Variants in SCHIP1 observed in about 807,000 individuals in gnomAD.
SCHIP1 encodes the protein schwannomin interacting protein 1.
A neutral mutation model predicts 29.7 loss-of-function variants in SCHIP1; 8 were observed. The ratio of observed to expected loss-of-function variants is 0.27; its 90% confidence interval spans 0.16 to 0.49. The LOEUF (loss-of-function observed/expected upper bound fraction) is 0.49, where lower values mean the gene tolerates loss of function less well. Ranked by LOEUF, SCHIP1 falls within the 20% of genes least tolerant of loss-of-function variation. The pLI is 0.99. For synonymous variants in SCHIP1, 76 were observed against 94.9 expected, an observed-to-expected ratio of 0.80 and a Z score of 1.16; for missense variants, 193 against 294.6, an observed-to-expected ratio of 0.66 and a Z score of 2.52.
At chr3:159,323,269 A>G in the SCHIP1 span, among the ~76,000 whole-genome samples, 1 of 152,236 alleles carries the variant, frequency 6.6e-6, no homozygotes, top group Non-Finnish European at 1.5e-5. Flanking sequence ...GATAATACCA[A>G]AGCCAAAAGA....
At chr3:159,755,934 G>A in the SCHIP1 span, among the ~76,000 whole-genome samples, 1 of 152,252 alleles carries the variant, frequency 6.6e-6, no homozygotes, top group African/African-American at 2.4e-5. Context: ...CAAGAGGTGG[G>A]TTCCCATGGT....
chr3:159,839,768 G>A (rs1744039509), upstream of SCHIP1: 2 of 580,426 alleles, frequency 3.4e-6, no homozygotes, highest in Admixed American at 4.5e-5. Flanking sequence ...TCCCTCGCTG[G>A]CCTTTTTCTC....
the SCHIP1 span, among the ~76,000 whole-genome samples, chr3:159,395,305 G>A: frequency 2.2e-4 from 33 of 151,868 alleles, no homozygotes; most frequent in African/African-American, 7.2e-4. Context: ...AGGGTTTTTT[G>A]TGTCTCTATT....
chr3:159,544,926 A>T, the SCHIP1 span, among the ~76,000 whole-genome samples: 5 of 152,102 alleles, frequency 3.3e-5, no homozygotes, highest in Non-Finnish European at 5.9e-5. Flanking sequence ...CTACTTCAAG[A>T]TCATAAAAAT....
At chr3:159,474,288 G>A in the SCHIP1 span, among the ~76,000 whole-genome samples, 1 of 152,060 alleles carries the variant, frequency 6.6e-6, no homozygotes, top group African/African-American at 2.4e-5. Context: ...GTCAAACCAC[G>A]AACATATTAA....
chr3:159,637,533 G>A, the SCHIP1 span, among the ~76,000 whole-genome samples: 13 of 152,186 alleles, frequency 8.5e-5, no homozygotes, highest in East Asian at 2.3e-3. Context: ...ACATTAGCCA[G>A]GCAGGAAGGA....
chr3:159,439,018 G>T, the SCHIP1 span, among the ~76,000 whole-genome samples: 19 of 152,162 alleles, frequency 1.2e-4, no homozygotes, highest in Non-Finnish European at 1.5e-4. Context: ...TAAGGAGATT[G>T]CAGGGTCAAG....
the SCHIP1 span, among the ~76,000 whole-genome samples, chr3:159,541,011 T>C: frequency 1.3e-5 from 2 of 152,078 alleles, no homozygotes; most frequent in Non-Finnish European, 2.9e-5. Flanking sequence ...GACACATTGC[T>C]TTGATAAAAT....
chr3:159,600,420 T>C, the SCHIP1 span, among the ~76,000 whole-genome samples: 2 of 152,220 alleles, frequency 1.3e-5, no homozygotes, highest in Non-Finnish European at 2.9e-5. Context: ...TGGGTTGTTT[T>C]CAAAAGACCT....
At chr3:159,297,126 T>TTGTGTGTGTGTGTG in the SCHIP1 span, among the ~76,000 whole-genome samples, 20 of 143,376 alleles carry the variant, frequency 1.4e-4, no homozygotes, top group African/African-American at 4.6e-4. Context: ...TAATATTCCA[T>TTGTGTGTGTGTGTG]TGTGTGTGTG....
At chr3:159,308,972 C>T in the SCHIP1 span, among the ~76,000 whole-genome samples, 15 of 151,936 alleles carry the variant, frequency 9.9e-5, no homozygotes, top group Admixed American at 7.2e-4. Context: ...ATTGAACACA[C>T]ATAGACATAA....
chr3:159,607,960 C>T, the SCHIP1 span, among the ~76,000 whole-genome samples: 1 of 152,150 alleles, frequency 6.6e-6, no homozygotes. Context: ...AGGAGAGCCC[C>T]TAGCACAATT....
the SCHIP1 span, among the ~76,000 whole-genome samples, chr3:159,439,371 G>A: frequency 1.1e-4 from 17 of 152,070 alleles, no homozygotes; most frequent in African/African-American, 2.4e-4. Flanking sequence ...TTCAAAAGGC[G>A]GCAGGAAGGA....
the SCHIP1 span, among the ~76,000 whole-genome samples, chr3:159,704,900 CTTTCTTTATTTCTTTCT>C: frequency 1.6e-5 from 1 of 62,510 alleles, no homozygotes; most frequent in African/African-American, 7.2e-5. Context: ...TTCTTTCTTT[CTTTCTTTATTTCTTTCT>C]TTCTTTCTTT....
At chr3:159,295,450 A>G in the SCHIP1 span, among the ~76,000 whole-genome samples, 1 of 151,892 alleles carries the variant, frequency 6.6e-6, no homozygotes, top group Admixed American at 6.6e-5. Context: ...TCAATCAATC[A>G]ATCAATCAAT....
At chr3:159,380,521 C>T in the SCHIP1 span, among the ~76,000 whole-genome samples, 1 of 152,078 alleles carries the variant, frequency 6.6e-6, no homozygotes. Flanking sequence ...CATTGTTATA[C>T]TAGTACCATT....
chr3:159,279,316 T>A, the SCHIP1 span, among the ~76,000 whole-genome samples: 1 of 152,174 alleles, frequency 6.6e-6, no homozygotes, highest in Non-Finnish European at 1.5e-5. Context: ...CCTTTGCTCC[T>A]CCTTCACCTT....
the SCHIP1 span, among the ~76,000 whole-genome samples, chr3:159,684,647 T>C: frequency 0.016 from 2,371 of 151,426 alleles, 29 homozygotes; most frequent in Non-Finnish European, 0.024. Flanking sequence ...CTACTAAAAA[T>C]ACAAAAATTA....
chr3:159,608,662 T>C, the SCHIP1 span, among the ~76,000 whole-genome samples: 1 of 152,206 alleles, frequency 6.6e-6, no homozygotes, highest in East Asian at 1.9e-4. Flanking sequence ...TGGAAGTAGC[T>C]CTACAAAGAA....
Sources: gnomAD v4.1 joint callset for allele counts (sites outside exome capture counted in the v4.1 genomes callset) on GRCh38, gnomAD v4.1.1 for gene constraint, MANE v1.5 for transcripts, NCBI Gene and HGNC (gene_info 2026-07-23, HGNC 2026-07-21) for gene names.